Variants in DNAH5 observed in about 807,000 individuals in gnomAD.
The protein encoded by DNAH5 is axonemal beta dynein heavy chain 5.
Under a neutral mutation model 518.2 loss-of-function variants are expected in DNAH5, and 372 were observed. The ratio of observed to expected loss-of-function variants is 0.72; its 90% CI spans 0.66 to 0.78. The LOEUF (loss-of-function observed/expected upper bound fraction) is 0.78. DNAH5 is among the 30% of genes least tolerant of loss of function. The probability of loss-of-function intolerance (pLI) is 0.00; values close to 1 mark genes in which losing one functional copy is unlikely to be tolerated. For missense variants in DNAH5, 5,523 were observed against 5,687.0 expected, an observed-to-expected ratio of 0.97 and a Z score of 0.93; for synonymous variants, 2,039 against 2,025.9, an observed-to-expected ratio of 1.01 and a Z score of -0.17.
intron 65 of DNAH5, among the ~76,000 whole-genome samples, chr5:13,741,497 C>G (rs556387656): frequency 1.3e-5 from 2 of 152,244 alleles, no homozygotes; most frequent in African/African-American, 4.8e-5. Context: ...TTCATTGATT[C>G]ACTAGATGAG....
chr5:13,701,294 G>T lies in DNAH5; in HGVS notation c.13481C>A (p.Ala4494Glu), dbSNP rs756228394. 1.2e-6 allele frequency: 2 copies of T among 1,613,826 alleles called. No homozygotes were observed. The highest frequency in any genetic ancestry group is 2.7e-5 in the African/African-American group (2 of 74,854). The change falls in exon 77 of 79, where the codon GCA becomes GAA. Residue 4494 changes from alanine (A) to glutamate (E), a missense_variant. Ala to Glu is a moderately radical substitution (Grantham distance 107). Around this residue, in one of 3 missense-constraint regions of DNAH5, gnomAD observed 387 missense variants for 430.0 expected, o/e 0.90. Coordinates refer to ENST00000265104, the MANE Select transcript of DNAH5 (RefSeq NM_001369.3). ...GFFNPQGFLT[A>E]MRQEITRANK... ...AATCAGAGCTCTTACCTGTCGCATT[G>T]CAGTTAAAAATCCCTGGGGGTTAAA...
chr5:13,762,014 A>C (rs1751853700), intron 60 of DNAH5, among the ~76,000 whole-genome samples: 1 of 152,244 alleles, frequency 6.6e-6, no homozygotes, highest in Non-Finnish European at 1.5e-5. Flanking sequence ...GATGAGACTC[A>C]TACAAAAGCA....
Position 13,713,208 on chromosome 5 carries a change from C to T in DNAH5, c.13125+1197G>A, listed in dbSNP as rs185455479. Among the ~76,000 whole-genome samples the T allele has an allele frequency of 6.5e-3, 923 of 142,308 alleles. 8 individuals carry two copies. The highest frequency in any genetic ancestry group is 0.023 in the African/African-American group (887 of 38,480). 93.4% of individuals were successfully genotyped at this position (142,308 alleles called of 152,430 possible). A position where few individuals can be genotyped will look rare whatever the true frequency, so the allele number is the denominator to read the frequency against. On this transcript the variant is annotated intron_variant, in intron 75 of 78. Coordinates refer to ENST00000265104, the MANE Select transcript of DNAH5 (RefSeq NM_001369.3). ...ACGGACATATATATGTATATACCGA[C>T]ATATATATATACCGACATATATATG...
intron 1 of DNAH5, among the ~76,000 whole-genome samples, chr5:13,964,310 C>T (rs151089081): frequency 5.9e-4 from 90 of 152,284 alleles, no homozygotes; most frequent in African/African-American, 1.6e-3. Flanking sequence ...GGCTCCTCCA[C>T]GGTTGCAAGT....
intron 1 of DNAH5, among the ~76,000 whole-genome samples, chr5:13,964,611 T>C (rs1272670341): frequency 6.6e-6 from 1 of 152,166 alleles, no homozygotes; most frequent in Non-Finnish European, 1.5e-5. Flanking sequence ...TGACCTTAGA[T>C]CATTCCCTCC....
chr5:13,700,669 G>A lies in DNAH5; in HGVS notation c.13694C>T (p.Pro4565Leu), dbSNP rs2126403715. The A allele has an allele frequency of 6.2e-7, 1 of 1,614,134 alleles. No homozygotes were observed. Among genetic ancestry groups the A allele is most frequent in the South Asian group, 1.1e-5 (1 of 91,082 alleles). ...GTTTTCTGCATAAATCCTTATGACA[G>A]GCATCAACTCAAAGAGCACTTTTGG... ...SKPKVLFELM[P>L]VIRIYAENNT... Residue 4565 changes from proline to leucine, a missense_variant, in exon 78 of 79, where the codon CCT becomes CTT. Physicochemically the swap from Pro to Leu is moderately conservative, Grantham distance 98. Coordinates refer to ENST00000265104, the MANE Select transcript of DNAH5 (RefSeq NM_001369.3).
At chr5:13,740,598 C>G (rs1748350208) in intron 65 of DNAH5, among the ~76,000 whole-genome samples, 1 of 152,188 alleles carries the variant, frequency 6.6e-6, no homozygotes, top group South Asian at 2.1e-4. Flanking sequence ...TGGGAATTTG[C>G]ACTTCTAATC....
chr5:13,753,573 T>A (rs1308199679), intron 62 of DNAH5, 24 bp from the exon 63 acceptor site: 2 of 1,582,726 alleles, frequency 1.3e-6, no homozygotes, highest in Non-Finnish European at 1.7e-6. Flanking sequence ...CAAACACCAT[T>A]GAAATACTTT....
Position 13,753,266 on chromosome 5 carries a change from C to A in DNAH5, c.10839G>T (p.Trp3613Cys). 4.3e-6 allele frequency: 7 copies of A among 1,613,852 alleles called. No homozygotes were observed. The highest frequency in any genetic ancestry group is 5.1e-6 in the Non-Finnish European group (6 of 1,179,848). The change falls in exon 63 of 79, where the codon TGG (tryptophan) becomes TGT (cysteine). Residue 3613 changes from tryptophan (W) to cysteine (C), a missense_variant. Trp to Cys is a radical substitution (Grantham distance 215). Transcript: ENST00000265104. Reference protein sequence around the residue: ...LIDPQTQGKIWIKNKESRNEL... With the variant: ...LIDPQTQGKICIKNKESRNEL... Reference sequence around the variant, plus strand: ...CATTTCGGCTTTCTTTATTTTTAATCCAGATCTTGCCTTGAGTCTGTGGAT... The same window carrying A: ...CATTTCGGCTTTCTTTATTTTTAATACAGATCTTGCCTTGAGTCTGTGGAT...
chr5:13,925,911 G>T (rs1211736444), intron 3 of DNAH5, among the ~76,000 whole-genome samples: 1 of 152,174 alleles, frequency 6.6e-6, no homozygotes, highest in Non-Finnish European at 1.5e-5. Flanking sequence ...GACTTTCAGT[G>T]CTACAACCAG....
At chr5:14,006,972 G>T (rs1038962984) in intron 1 of DNAH5, among the ~76,000 whole-genome samples, 1 of 152,122 alleles carries the variant, frequency 6.6e-6, no homozygotes, top group Non-Finnish European at 1.5e-5. Context: ...ACTTCTTCTG[G>T]CTGGACAGCT....
intron 30 of DNAH5, 114 bp downstream of exon 30, chr5:13,859,338 A>C (rs1469493896): frequency 8.7e-7 from 1 of 1,153,466 alleles, no homozygotes; most frequent in East Asian, 2.4e-5. Context: ...CAACAAAAAG[A>C]TTGAAGGAAG....
In DNAH5 at chr5:13,828,082, G is replaced by A. The variant is rs145288110; in HGVS notation, c.6444+1428C>T. ...GAGAACAGACTAATACAATAAGAAT[G>A]AGTGAGTAAGGGCTCCAATAAGCAG... is the stretch of plus-strand genomic sequence containing the variant. On this transcript the variant is annotated intron_variant, in intron 38 of 78. Transcript: ENST00000265104. Among the ~76,000 whole-genome samples the A allele has an allele frequency of 2.5e-4, 38 of 152,320 alleles. No homozygotes were observed. In the East Asian group the frequency reaches 6.6e-3, roughly 26 times the overall value.
intron 78 of DNAH5, among the ~76,000 whole-genome samples, chr5:13,699,363 A>G (rs777360694): frequency 6.6e-6 from 1 of 152,198 alleles, no homozygotes; most frequent in African/African-American, 2.4e-5. Flanking sequence ...TTGCATCCCT[A>G]GCACCTAAGG....
rs576899331 is a variant in DNAH5, at chr5:13,954,074, T to A, written c.13-22830A>T. On this transcript the variant is annotated intron_variant, in intron 1 of 78. Transcript: ENST00000681290. ...AAGGTCAAACCTGGTGGTAAAATAT[T>A]TTTTCTACATGGTAAGAAAAGTAAG... Among the ~76,000 whole-genome samples the A allele has an allele frequency of 2.6e-5, 4 of 152,312 alleles. No homozygotes were observed. In the East Asian group the frequency reaches 7.7e-4, roughly 29 times the overall value.
rs397996833 is a variant in DNAH5 at position 13,778,539 on chromosome 5, GAAGAAAGAAAGA to G, written c.8952-1196_8952-1185del. 3.6e-3 allele frequency among the ~76,000 whole-genome samples: 269 copies of G among 73,908 alleles called. 3 individuals are homozygous for G. Among genetic ancestry groups the G allele is most frequent in the Middle Eastern group, 6.2e-3 (1 of 162 alleles). The allele number at this position is 73,908 out of a possible 152,430, so 48.5% of individuals were successfully genotyped here. ...GGGGAGAGAAAGTGAGAGAGAGAGA[GAAGAAAGAAAGA>G]AAGAAAGAAAGAAAGAAAGAAAGAA... is the stretch of plus-strand genomic sequence containing the variant. On this transcript the variant is annotated intron_variant, in intron 53 of 78. Coordinates refer to ENST00000265104, the MANE Select transcript of DNAH5 (RefSeq NM_001369.3).
chr5:13,794,992 C>T (rs980870700), intron 47 of DNAH5, among the ~76,000 whole-genome samples: 1 of 151,966 alleles, frequency 6.6e-6, no homozygotes, highest in African/African-American at 2.4e-5. Context: ...ATAAATAAAC[C>T]TTCATTGCAG....
chr5:13,901,385 G>A lies in DNAH5; in HGVS notation c.1919C>T (p.Pro640Leu), dbSNP rs1306724506. ...TGGGTGCTGCTGGAAAAGCTGCATG[G>A]GCTGCTGAATCCTATGGAAGAGCTG... is the stretch of plus-strand genomic sequence containing the variant. ...ARQLFHRIQQ[P>L]MQLFQQHPAV... is the part of the protein sequence containing the mutation. Residue 640 changes from proline to leucine, a missense_variant, in exon 14 of 79, where the codon CCC (proline) becomes CTC (leucine). Coordinates refer to ENST00000265104, the MANE Select transcript of DNAH5 (RefSeq NM_001369.3). 6.2e-7 allele frequency: 1 copy of A among 1,614,144 alleles called. No homozygotes were observed. Among genetic ancestry groups the A allele is most frequent in the East Asian group, 2.2e-5 (1 of 44,870 alleles).
intron 74 of DNAH5, among the ~76,000 whole-genome samples, chr5:13,715,348 T>A (rs1744147213): frequency 6.6e-6 from 1 of 152,248 alleles, no homozygotes; most frequent in Non-Finnish European, 1.5e-5. Flanking sequence ...TATCTTCTTA[T>A]GAGCTACCTC....
Sources: allele counts gnomAD v4.1 joint callset (sites outside exome capture counted in the v4.1 genomes callset), GRCh38; gene constraint gnomAD v4.1.1; regional missense constraint gnomAD v4.1.1; transcripts MANE v1.5; gene names NCBI Gene and HGNC (gene_info 2026-07-23, HGNC 2026-07-21).